Variants in UBE2Q1 observed in about 807,000 individuals in gnomAD.
The protein encoded by UBE2Q1 is ubiquitin-conjugating enzyme E2 Q1.
A neutral mutation model predicts 60.1 loss-of-function variants in UBE2Q1; 6 were observed. The ratio of observed to expected loss-of-function variants is 0.10; its 90% CI spans 0.05 to 0.20. The LOEUF is 0.20. Among genes scored for constraint, UBE2Q1 ranks in the 10% least tolerant of loss-of-function variants. The pLI is 1.00. For missense variants in UBE2Q1, 262 were observed against 525.8 expected (o/e 0.50, Z 4.91); for synonymous variants, 226 against 208.3 (o/e 1.09, Z -0.73).
At chr1:154,556,043 C>A (rs753224331) in intron 1 of UBE2Q1, 79 bp from the exon 2 acceptor site, 7 of 1,286,836 alleles carry the variant, frequency 5.4e-6, no homozygotes, top group South Asian at 2.5e-5. Context: ...CTCTTCCCCC[C>A]AAGACTTCTA....
intron 2 of UBE2Q1, 102 bp from the exon 3 acceptor site, chr1:154,555,634 C>A: frequency 2.6e-6 from 3 of 1,175,896 alleles, no homozygotes; most frequent in Non-Finnish European, 1.3e-6. Context: ...ATAACTAGTT[C>A]TCTAAGCCTT....
Position 154,552,790 on chromosome 1 carries a change from C to A in UBE2Q1, c.760G>T (p.Asp254Tyr). The change falls in exon 6 of 13, where the codon GAC (aspartate) becomes TAC (tyrosine). Residue 254 changes from aspartate to tyrosine, a missense_variant. Physicochemically the swap from Asp to Tyr is radical, Grantham distance 160. This residue lies in a region of UBE2Q1 where 111 missense variants were observed against 266.8 expected (regional missense o/e 0.42). Coordinates refer to ENST00000292211, the MANE Select transcript of UBE2Q1 (RefSeq NM_017582.7). ...TCCCTGAGCTCCTTCATCAGCCGGT[C>A]AGTGGCCTGCACCGAGCCAGACACT... ...GAVSGSVQAT[D>Y]RLMKELRDIY... is the part of the protein sequence containing the mutation. The A allele has an allele frequency of 6.2e-7, 1 of 1,614,158 alleles. No homozygotes were observed. The highest frequency in any genetic ancestry group is 1.1e-5 in the South Asian group (1 of 91,042).
intron 1 of UBE2Q1, 103 bp downstream of exon 1, chr1:154,558,124 G>T: frequency 2.1e-6 from 2 of 930,484 alleles, no homozygotes; most frequent in Non-Finnish European, 1.6e-6. Flanking sequence ...GCCCTGAGAG[G>T]GGCTTCGGCC....
chr1:154,551,685 AT>A, intron 10 of UBE2Q1, 85 bp downstream of exon 10: 1 of 1,574,342 alleles, frequency 6.4e-7, no homozygotes, highest in Non-Finnish European at 8.7e-7. Context: ...CATCATGTCT[AT>A]CACCCAGCCC....
At chr1:154,555,784 G>A (rs1360342765) in intron 2 of UBE2Q1, 76 bp downstream of exon 2, 8 of 1,362,848 alleles carry the variant, frequency 5.9e-6, no homozygotes, top group African/African-American at 2.9e-5. Flanking sequence ...CACTTTTCAG[G>A]ATCCCTTTCA....
chr1:154,551,701 G>C lies in UBE2Q1; in HGVS notation c.1074+70C>G, dbSNP rs567527929. ...ATCATGTCTATCACCCAGCCCGTAG[G>C]GGTGTGTGCTGTAAAGCTCAGACAA... On this transcript the variant is annotated intron_variant, in intron 10 of 12. Coordinates refer to ENST00000292211, the MANE Select transcript of UBE2Q1 (RefSeq NM_017582.7). 14 of 1,594,832 alleles carry C rather than the reference G, an allele frequency of 8.8e-6. No homozygotes were observed. The South Asian group carries it at 1.5e-4, about 18-fold the overall frequency.
At chr1:154,557,426 G>A (rs1408469789) in intron 1 of UBE2Q1, among the ~76,000 whole-genome samples, 1 of 152,234 alleles carries the variant, frequency 6.6e-6, no homozygotes, top group Non-Finnish European at 1.5e-5. Flanking sequence ...GACCAGGCAG[G>A]AGACATGTAA....
chr1:154,555,583 GA>G, intron 2 of UBE2Q1, 51 bp from the exon 3 acceptor site: 1 of 1,539,580 alleles, frequency 6.5e-7, no homozygotes, highest in Non-Finnish European at 9.0e-7. Flanking sequence ...CTCCGATCTG[GA>G]TAAGTGCATG....
chr1:154,558,320 G>A lies in UBE2Q1; in HGVS notation c.234C>T (p.Ala78=), dbSNP rs1571012529. The change falls in exon 1 of 13, where the codon GCC becomes GCT. Residue 78 remains alanine (A), a synonymous_variant. Coordinates refer to ENST00000292211, the MANE Select transcript of UBE2Q1 (RefSeq NM_017582.7). The stretch of plus-strand genomic sequence containing the variant: ...GCGCGGCCCCCGCCCCGGCCCCTCC[G>A]GCCCCAGCCAGCAGGAACTCGCAGC... ...ELSCEFLLAG[A]GGAGAGAAPG... 1 of 1,580,558 alleles carries A rather than the reference G, an allele frequency of 6.3e-7. No individual in the cohort carries two copies. Among genetic ancestry groups the A allele is most frequent in the South Asian group, 1.1e-5 (1 of 87,130 alleles).
At chr1:154,557,052 G>A (rs1351030866) in intron 1 of UBE2Q1, among the ~76,000 whole-genome samples, 1 of 152,164 alleles carries the variant, frequency 6.6e-6, no homozygotes, top group Non-Finnish European at 1.5e-5. Context: ...CAGGAAAAAA[G>A]AAAGGAAATG....
chr1:154,550,379 C>T lies in UBE2Q1; in HGVS notation c.*59G>A, dbSNP rs1695773587. On this transcript the variant is annotated 3_prime_UTR_variant, in exon 13 of 13. Coordinates refer to ENST00000292211, the MANE Select transcript of UBE2Q1 (RefSeq NM_017582.7). ...GAGGCAGCGTGAGATCCAAATACAG[C>T]ATTCAAAGGTAATTGGTCCAGTGGT... 5 of 1,604,554 alleles carry T rather than the reference C, an allele frequency of 3.1e-6. No homozygotes were observed. The highest frequency in any genetic ancestry group is 4.3e-6 in the Non-Finnish European group (5 of 1,172,058).
At chr1:154,550,867 C>T (rs1435092524) in intron 12 of UBE2Q1, 71 bp downstream of exon 12, 1 of 1,612,602 alleles carries the variant, frequency 6.2e-7, no homozygotes, top group African/African-American at 1.3e-5. Context: ...GGGGTTCTTG[C>T]TCTGTGGCTG....
Position 154,551,807 on chromosome 1 carries a change from G to A in UBE2Q1, c.1038C>T (p.Gly346=), listed in dbSNP as rs201248339. The A allele has an allele frequency of 4.5e-5, 73 of 1,614,038 alleles. No individual in the cohort carries two copies. The Admixed American group carries it at 8.0e-4, about 18-fold the overall frequency. ...SPVLSGGYVL[G]GGAICMELLT... Reference sequence around the variant, plus strand: ...GAAGTTCCATGCAGATGGCCCCTCCGCCCAGAACATACCTGCATGAGAAAG... The same window carrying A: ...GAAGTTCCATGCAGATGGCCCCTCCACCCAGAACATACCTGCATGAGAAAG... The change falls in exon 10 of 13, where the codon GGC becomes GGT. Residue 346 remains glycine, a synonymous_variant. Transcript: ENST00000292211.
chr1:154,553,222 C>G (rs773949603), intron 4 of UBE2Q1, 50 bp from the exon 5 acceptor site: 2 of 1,586,310 alleles, frequency 1.3e-6, no homozygotes, highest in East Asian at 2.2e-5. Flanking sequence ...AAAACCGACA[C>G]AGGTTAGAGA....
Position 154,558,438 on chromosome 1 carries a change from G to A in UBE2Q1, c.116C>T (p.Pro39Leu). Residue 39 changes from proline (P) to leucine (L), a missense_variant, in exon 1 of 13, where the codon CCC becomes CTC. By Grantham distance (98) the Pro-to-Leu change is moderately conservative. Transcript: ENST00000292211. ...CAGCTTCAGCTCTCGCCTCAGGCAG[G>A]GCCCCGGCCCCGGGCCCCCCCCTGG... ...GGPGGGPGPGPCLRRELKLLE... is the reference protein window; with the variant it reads ...GGPGGGPGPGLCLRRELKLLE... The A allele has an allele frequency of 6.8e-7, 1 of 1,481,024 alleles. No homozygotes were observed. Among genetic ancestry groups the A allele is most frequent in the Non-Finnish European group, 8.9e-7 (1 of 1,120,214 alleles). 91.7% of individuals were successfully genotyped at this position (1,481,024 alleles called of 1,614,324 possible).
At chr1:154,551,893 T>C in intron 9 of UBE2Q1, 28 bp downstream of exon 9, 1 of 1,614,116 alleles carries the variant, frequency 6.2e-7, no homozygotes, top group Non-Finnish European at 8.5e-7. Flanking sequence ...CCAGAGGAGA[T>C]GCCCTCTTCC....
chr1:154,551,940 A>C lies in UBE2Q1; in HGVS notation c.1006T>G (p.Ser336Ala), dbSNP rs768464949. 3 of 1,614,180 alleles carry C rather than the reference A, an allele frequency of 1.9e-6. No homozygotes were observed. The South Asian group carries it at 3.3e-5, about 18-fold the overall frequency. The change falls in exon 9 of 13, where the codon TCT becomes GCT. Residue 336 changes from serine (S) to alanine (A), a missense_variant. Physicochemically the swap from Ser to Ala is moderately conservative, Grantham distance 99. Transcript: ENST00000292211. ...PFDPPFVRVV[S>A]PVLSGGYVLG... ...ACTCACCCTCCAGAGAGGACTGGAG[A>C]CACAACCCTGACAAATGGTGGGTCA...
intron 12 of UBE2Q1, 116 bp from the exon 13 acceptor site, chr1:154,550,585 T>C: frequency 1.3e-6 from 2 of 1,561,476 alleles, no homozygotes; most frequent in Non-Finnish European, 1.7e-6. Flanking sequence ...GGGAGGGCTA[T>C]GCTGTGTGGG....
At position 154,558,517 on chromosome 1, in the gene UBE2Q1, C is replaced by T; in HGVS notation, c.37G>A (p.Gly13Arg). The change falls in exon 1 of 13, where the codon GGG (glycine) becomes AGG (arginine). Residue 13 changes from glycine (G) to arginine (R), a missense_variant. Transcript: ENST00000292211. ...TGGCCCCCCAGCTGCTGCCCCGGCCCCGGCTGCTGCTGCCCCTGCGGCTGC... is the reference window on the plus strand; with the variant it reads ...TGGCCCCCCAGCTGCTGCCCCGGCCTCGGCTGCTGCTGCCCCTGCGGCTGC... ...QPQPQGQQQP[G>R]PGQQLGGQGA... The T allele has an allele frequency of 8.7e-7, 1 of 1,146,174 alleles. No homozygotes were observed. The highest frequency in any genetic ancestry group is 1.1e-6 in the Non-Finnish European group (1 of 939,508). The allele number at this position is 1,146,174 out of a possible 1,614,324, so 71.0% of individuals were successfully genotyped here.
Sources: gnomAD v4.1 joint callset for allele counts (sites outside exome capture counted in the v4.1 genomes callset) on GRCh38, gnomAD v4.1.1 for gene constraint, gnomAD v4.1.1 regional missense constraint, MANE v1.5 for transcripts, NCBI Gene and HGNC (gene_info 2026-07-23, HGNC 2026-07-21) for gene names.